The following NBEA variants were observed in gnomAD, a reference collection of about 807,000 sequenced individuals.
The protein encoded by NBEA is lysosomal-trafficking regulator 2.
In NBEA, 44 loss-of-function variants were observed where a neutral mutation model predicts 343.4. The observed-to-expected ratio is 0.13, with a 90% CI of 0.10 to 0.16. The LOEUF (loss-of-function observed/expected upper bound fraction) is 0.16, where lower values mean the gene tolerates loss of function less well. Ranked by LOEUF, NBEA falls within the 10% of genes least tolerant of loss-of-function variation. The probability of loss-of-function intolerance (pLI) is 1.00; values close to 1 mark genes in which losing one functional copy is unlikely to be tolerated. For synonymous variants in NBEA, 1,175 were observed against 1,238.7 expected, an observed-to-expected ratio of 0.95 and a Z score of 1.08; for missense variants, 2,555 against 3,631.3, an observed-to-expected ratio of 0.70 and a Z score of 7.62.
At chr13:35,563,554 G>C (rs1369416711) in intron 44 of NBEA, among the ~76,000 whole-genome samples, 1 of 151,560 alleles carries the variant, frequency 6.6e-6, no homozygotes, top group African/African-American at 2.4e-5. Context: ...ATATATGACT[G>C]TCCATTTTAC....
chr13:35,189,339 T>C (rs138039927), intron 30 of NBEA, among the ~76,000 whole-genome samples: 1 of 152,292 alleles, frequency 6.6e-6, no homozygotes, highest in Non-Finnish European at 1.5e-5. Context: ...TTGTCTTCTT[T>C]TGAGAAATGT....
intron 28 of NBEA, among the ~76,000 whole-genome samples, chr13:35,181,089 C>T (rs943911546): frequency 1.3e-5 from 2 of 151,818 alleles, no homozygotes; most frequent in Non-Finnish European, 2.9e-5. Flanking sequence ...GGCATTTGTG[C>T]TGGTTCCACA....
intron 43 of NBEA, 61 bp downstream of exon 43, chr13:35,551,093 C>T (rs2079300436): frequency 2.1e-6 from 2 of 974,190 alleles, no homozygotes; most frequent in Non-Finnish European, 1.6e-6. Flanking sequence ...CTCAATATTA[C>T]AGCAATGTAA....
At chr13:35,253,250 A>C (rs1027047202) in intron 34 of NBEA, among the ~76,000 whole-genome samples, 1 of 152,214 alleles carries the variant, frequency 6.6e-6, no homozygotes, top group South Asian at 2.1e-4. Flanking sequence ...TACAGATACT[A>C]TGTTAACAAA....
chr13:35,326,903 C>A (rs1235598089), intron 36 of NBEA, among the ~76,000 whole-genome samples: 2 of 151,956 alleles, frequency 1.3e-5, no homozygotes, highest in African/African-American at 4.8e-5. Flanking sequence ...GGACTAATAT[C>A]CGGAATCTAT....
intron 17 of NBEA, among the ~76,000 whole-genome samples, chr13:35,135,590 T>TA (rs1369787880): frequency 1.3e-5 from 2 of 152,008 alleles, no homozygotes; most frequent in East Asian, 3.9e-4. Flanking sequence ...ATTTAAAGGT[T>TA]AAAAAAACTC....
intron 48 of NBEA, among the ~76,000 whole-genome samples, chr13:35,610,419 A>C (rs2082457598): frequency 6.6e-6 from 1 of 152,180 alleles, no homozygotes; most frequent in African/African-American, 2.4e-5. Context: ...AAAAAAATAA[A>C]ATAAAATAAA....
intron 1 of NBEA, among the ~76,000 whole-genome samples, chr13:35,002,854 C>T (rs2061189434): frequency 6.6e-6 from 1 of 152,266 alleles, no homozygotes. Flanking sequence ...TGCCGAGATG[C>T]TTGAAGAAGT....
chr13:35,336,450 C>T (rs1159977188), intron 36 of NBEA, among the ~76,000 whole-genome samples: 3 of 152,016 alleles, frequency 2.0e-5, no homozygotes, highest in African/African-American at 4.8e-5. Flanking sequence ...TCAGCTATTG[C>T]GGAAAGTAGC....
intron 38 of NBEA, among the ~76,000 whole-genome samples, chr13:35,360,375 A>C (rs2040741106): frequency 6.6e-6 from 1 of 152,004 alleles, no homozygotes. Context: ...GGTTCACCTG[A>C]CTTCCAAAAC....
intron 44 of NBEA, among the ~76,000 whole-genome samples, chr13:35,564,617 T>C (rs1050454101): frequency 6.6e-6 from 1 of 152,214 alleles, no homozygotes; most frequent in African/African-American, 2.4e-5. Context: ...AGCAGATTAT[T>C]GTCATGTCAA....
intron 46 of NBEA, among the ~76,000 whole-genome samples, chr13:35,586,236 C>A (rs1380349545): frequency 3.9e-5 from 6 of 152,158 alleles, no homozygotes; most frequent in Non-Finnish European, 7.4e-5. Flanking sequence ...CTTAGGCATT[C>A]TCTCCATTAT....
intron 52 of NBEA, among the ~76,000 whole-genome samples, chr13:35,650,095 A>T (rs2084443997): frequency 6.6e-6 from 1 of 152,214 alleles, no homozygotes. Flanking sequence ...AAATTGAAGC[A>T]GTTCTACCAA....
chr13:35,093,950 A>AT (rs1483982309), intron 10 of NBEA, among the ~76,000 whole-genome samples: 1 of 151,818 alleles, frequency 6.6e-6, no homozygotes, highest in Non-Finnish European at 1.5e-5. Context: ...CTCTCAAACT[A>AT]TATAAATTTT....
At chr13:35,603,549 T>C (rs2082152360) in intron 47 of NBEA, among the ~76,000 whole-genome samples, 1 of 152,200 alleles carries the variant, frequency 6.6e-6, no homozygotes, top group Non-Finnish European at 1.5e-5. Flanking sequence ...TGAAAAACAT[T>C]ATAGAGTGCC....
intron 48 of NBEA, among the ~76,000 whole-genome samples, chr13:35,627,707 A>G (rs893192828): frequency 6.6e-6 from 1 of 152,164 alleles, no homozygotes; most frequent in East Asian, 1.9e-4. Flanking sequence ...AAAAATGAGA[A>G]ATGAAACTGT....
At chr13:35,486,724 T>C (rs1459594259) in intron 41 of NBEA, among the ~76,000 whole-genome samples, 1 of 152,042 alleles carries the variant, frequency 6.6e-6, no homozygotes, top group Non-Finnish European at 1.5e-5. Context: ...ACAACATAAT[T>C]GATGAGTTTT....
intron 41 of NBEA, among the ~76,000 whole-genome samples, chr13:35,548,015 C>T (rs1255386518): frequency 6.6e-6 from 1 of 152,136 alleles, no homozygotes; most frequent in Admixed American, 6.6e-5. Flanking sequence ...GTGCTGGGAG[C>T]ATCATGCGTC....
intron 40 of NBEA, among the ~76,000 whole-genome samples, chr13:35,469,428 C>A (rs2075545123): frequency 6.6e-6 from 1 of 151,970 alleles, no homozygotes; most frequent in Non-Finnish European, 1.5e-5. Context: ...GGAAGTAATA[C>A]CCCTATACTT....
Sources: gnomAD v4.1 joint callset for allele counts (sites outside exome capture counted in the v4.1 genomes callset) on GRCh38, gnomAD v4.1.1 for gene constraint, MANE v1.5 for transcripts, NCBI Gene and HGNC (gene_info 2026-07-23, HGNC 2026-07-21) for gene names.